Variants in ERC2 observed in about 807,000 individuals in gnomAD.
The protein encoded by ERC2 is ERC protein 2.
In ERC2, 42 loss-of-function variants were observed where a neutral mutation model predicts 114.8. The observed-to-expected ratio is 0.37, with a 90% CI of 0.29 to 0.47. ERC2 has a LOEUF of 0.47. ERC2 is among the 20% of genes least tolerant of loss of function. ERC2 has a pLI of 0.99. For synonymous variants in ERC2, 454 were observed against 425.5 expected, an observed-to-expected ratio of 1.07 and a Z score of -0.82; for missense variants, 939 against 1,150.7, an observed-to-expected ratio of 0.82 and a Z score of 2.66.
intron 2 of ERC2, among the ~76,000 whole-genome samples, chr3:56,404,509 T>C (rs1017560830): frequency 3.3e-5 from 5 of 152,158 alleles, no homozygotes; most frequent in African/African-American, 1.2e-4. Context: ...AGACCCAGTA[T>C]ATGATAACAC....
chr3:55,895,243 T>G (rs1198028779), intron 13 of ERC2, among the ~76,000 whole-genome samples: 1 of 152,220 alleles, frequency 6.6e-6, no homozygotes, highest in Non-Finnish European at 1.5e-5. Context: ...AAAATGTTGA[T>G]GCCGTGGTCA....
intron 2 of ERC2, among the ~76,000 whole-genome samples, chr3:56,417,288 T>C (rs567014765): frequency 6.6e-6 from 1 of 152,344 alleles, no homozygotes; most frequent in South Asian, 2.1e-4. Flanking sequence ...TATTACTCCC[T>C]ACAATGATAG....
chr3:55,917,521 A>G (rs1004636861), intron 13 of ERC2, among the ~76,000 whole-genome samples: 11 of 152,210 alleles, frequency 7.2e-5, no homozygotes, highest in Non-Finnish European at 1.6e-4. Flanking sequence ...TTCCATTTAT[A>G]TGAAATATAT....
chr3:56,405,264 T>C (rs991330683), intron 2 of ERC2, among the ~76,000 whole-genome samples: 6 of 152,094 alleles, frequency 3.9e-5, no homozygotes, highest in Non-Finnish European at 7.4e-5. Flanking sequence ...GTCAACATAG[T>C]GCAACCTTAT....
At chr3:55,675,858 C>G (rs1247172869) in intron 17 of ERC2, among the ~76,000 whole-genome samples, 1 of 144,190 alleles carries the variant, frequency 6.9e-6, no homozygotes, top group Non-Finnish European at 1.5e-5. Flanking sequence ...AAATGATGCC[C>G]TGCATCGTTT....
chr3:55,816,176 C>T (rs1423551289), intron 14 of ERC2, among the ~76,000 whole-genome samples: 1 of 152,236 alleles, frequency 6.6e-6, no homozygotes, highest in Non-Finnish European at 1.5e-5. Context: ...ACCTTCTCAA[C>T]AGTGAATCCC....
chr3:55,704,997 A>C (rs2063409160), intron 15 of ERC2, among the ~76,000 whole-genome samples: 1 of 152,210 alleles, frequency 6.6e-6, no homozygotes. Context: ...TCAGCTAGTG[A>C]GTAGAAGAAC....
chr3:56,243,454 C>A (rs533272693), intron 3 of ERC2, among the ~76,000 whole-genome samples: 8 of 152,218 alleles, frequency 5.3e-5, no homozygotes, highest in Non-Finnish European at 1.2e-4. Context: ...TTCAGAGGTC[C>A]TGGGGCAATA....
At chr3:55,566,407 CTATTTATTTATT>C (rs113386431) in intron 17 of ERC2, among the ~76,000 whole-genome samples, 34 of 147,878 alleles carry the variant, frequency 2.3e-4, no homozygotes, top group Admixed American at 9.4e-4. Context: ...GCTGGTAATT[CTATTTATTTATT>C]TATTTATTTA....
chr3:55,955,737 A>T (rs2067908321), intron 12 of ERC2, among the ~76,000 whole-genome samples: 1 of 152,206 alleles, frequency 6.6e-6, no homozygotes, highest in East Asian at 1.9e-4. Flanking sequence ...ATATGCATTC[A>T]TTTCTCTTGG....
At chr3:56,241,885 C>G (rs1355115500) in intron 3 of ERC2, among the ~76,000 whole-genome samples, 1 of 152,166 alleles carries the variant, frequency 6.6e-6, no homozygotes, top group Admixed American at 6.5e-5. Flanking sequence ...GTAAATAAAG[C>G]TGTATTTGAA....
At chr3:55,759,483 A>AAC (rs1559609961) in intron 14 of ERC2, among the ~76,000 whole-genome samples, 5 of 127,714 alleles carry the variant, frequency 3.9e-5, no homozygotes, top group African/African-American at 1.4e-4. Flanking sequence ...AAAAAAAAAA[A>AAC]AAAAAAAAAA....
At chr3:56,174,275 C>T (rs966550121) in intron 3 of ERC2, among the ~76,000 whole-genome samples, 3 of 152,184 alleles carry the variant, frequency 2.0e-5, no homozygotes, top group Admixed American at 6.5e-5. Flanking sequence ...TTATATGCTT[C>T]TCCTCAAAAG....
chr3:56,124,447 T>G (rs2079762604), intron 6 of ERC2, among the ~76,000 whole-genome samples: 1 of 152,186 alleles, frequency 6.6e-6, no homozygotes, highest in Admixed American at 6.5e-5. Flanking sequence ...TGAAGACAAA[T>G]GCAAAGCTCT....
intron 7 of ERC2, among the ~76,000 whole-genome samples, chr3:56,072,724 A>G (rs1297123791): frequency 3.9e-5 from 6 of 152,222 alleles, no homozygotes; most frequent in Admixed American, 1.3e-4. Flanking sequence ...ATTTTCAGTC[A>G]GGAAAAAAAG....
chr3:55,604,520 G>A (rs777206559), intron 17 of ERC2, among the ~76,000 whole-genome samples: 13 of 152,120 alleles, frequency 8.5e-5, no homozygotes, highest in Admixed American at 6.5e-5. Flanking sequence ...CAGCAGGCAT[G>A]TCTGAGGATG....
intron 13 of ERC2, among the ~76,000 whole-genome samples, chr3:55,933,161 A>T (rs929826824): frequency 5.9e-5 from 9 of 151,474 alleles, no homozygotes; most frequent in Non-Finnish European, 1.3e-4. Context: ...GTGAGTAGAG[A>T]TCGCGCCACT....
chr3:55,776,798 C>G (rs2068654804), intron 14 of ERC2, among the ~76,000 whole-genome samples: 1 of 152,188 alleles, frequency 6.6e-6, no homozygotes, highest in Non-Finnish European at 1.5e-5. Flanking sequence ...AAAGCTCATA[C>G]AGTGGAGTAA....
intron 6 of ERC2, among the ~76,000 whole-genome samples, chr3:56,138,019 A>G (rs2080613930): frequency 6.6e-6 from 1 of 150,628 alleles, no homozygotes; most frequent in South Asian, 2.1e-4. Context: ...TTGCATTCAC[A>G]GTGGAACTAT....
Sources: gnomAD v4.1 joint callset for allele counts (sites outside exome capture counted in the v4.1 genomes callset) on GRCh38, gnomAD v4.1.1 for gene constraint, MANE v1.5 for transcripts, NCBI Gene and HGNC (gene_info 2026-07-23, HGNC 2026-07-21) for gene names.